CFD: variants seen among roughly 807,000 people sequenced by gnomAD.
CFD encodes C3 convertase activator.
CFD carries 24 observed loss-of-function variants against 21.1 expected under a neutral mutation model. The ratio of observed to expected loss-of-function variants is 1.14; its 90% CI spans 0.82 to 1.60. The LOEUF is 1.60. Among genes scored for constraint, CFD ranks in the 40% most tolerant of loss-of-function variants. The pLI, the probability that CFD is intolerant of heterozygous loss-of-function variation, is 0.00. For missense variants in CFD, 535 were observed against 383.3 expected (o/e 1.40, Z -3.31); for synonymous variants, 242 against 175.9 (o/e 1.38, Z -2.97).
At position 860,736 on chromosome 19, in the gene CFD, C is replaced by T. The variant is rs1365804625; in HGVS notation, c.175C>T (p.Gln59Ter). ...GTGCGGCGGCGTCCTGGTGGCGGAG[C>T]AGTGGGTGCTGAGCGCGGCGCACTG... ...HLCGGVLVAE[Q>*]WVLSAAHCLE... The change falls in exon 2 of 5, where the codon CAG (glutamine) becomes TAG (stop). Residue 59 changes from glutamine to a stop codon, truncating the protein, a stop_gained. Coordinates refer to ENST00000327726, the MANE Select transcript of CFD (RefSeq NM_001928.4). LOFTEE classifies it high-confidence loss of function. The T allele has an allele frequency of 4.5e-6, 7 of 1,567,826 alleles. No individual in the cohort carries two copies. The highest frequency in any genetic ancestry group is 2.3e-5 in the East Asian group (1 of 42,902).
At position 861,916 on chromosome 19, in the gene CFD, G is replaced by C. The variant is rs201757567; in HGVS notation, c.575G>C (p.Arg192Pro). 1.8e-5 allele frequency: 28 copies of C among 1,570,272 alleles called. No individual in the cohort carries two copies. The highest frequency in any genetic ancestry group is 1.7e-4 in the Middle Eastern group (1 of 5,958). The change falls in exon 4 of 5, where the codon CGC (arginine) becomes CCC (proline). Residue 192 changes from arginine to proline, a missense_variant. Arg to Pro is a moderately radical substitution (Grantham distance 103). Coordinates refer to ENST00000327726, the MANE Select transcript of CFD (RefSeq NM_001928.4). ...CACCACGACGGCGCCATCACCGAGC[G>C]CTTGATGTGCGCGGAGAGCAATCGC... ...RTHHDGAITERLMCAESNRRD... is the reference protein window; with the variant it reads ...RTHHDGAITEPLMCAESNRRD...
At chr19:863,056 C>G (rs1269258787) in intron 4 of CFD, 36 bp from the exon 5 acceptor site, 8 of 1,483,620 alleles carry the variant, frequency 5.4e-6, no homozygotes, top group Non-Finnish European at 7.2e-6. Flanking sequence ...GGGGTGGGCG[C>G]GGGCCGCCCC....
At chr19:862,848 C>T (rs1307723313) in intron 4 of CFD, among the ~76,000 whole-genome samples, 2 of 119,046 alleles carry the variant, frequency 1.7e-5, no homozygotes, top group Non-Finnish European at 3.6e-5. Context: ...CGGGGGAACA[C>T]GTGGTGAGGT....
In CFD at chr19:859,697, G is replaced by T. The variant is rs926964605; in HGVS notation, c.8G>T (p.Ser3Ile). Residue 3 changes from serine to isoleucine, a missense_variant, in exon 1 of 5, where the codon AGC becomes ATC. Ser to Ile is a moderately radical substitution (Grantham distance 142). Transcript: ENST00000327726. Reference protein sequence around the residue: MHSWERLAVLVLL... With the variant: MHIWERLAVLVLL... ...AGCCACAGCGGCTTCACCATGCACA[G>T]CTGGGAGCGCCTGGCAGTTCTGGTC... The T allele has an allele frequency of 5.1e-6, 8 of 1,570,582 alleles. No individual in the cohort carries two copies. The African/African-American group carries it at 8.1e-5, about 16-fold the overall frequency.
chr19:862,978 C>G (rs945892406), intron 4 of CFD, 114 bp from the exon 5 acceptor site: 4 of 1,085,282 alleles, frequency 3.7e-6, no homozygotes, highest in South Asian at 1.6e-5. Flanking sequence ...CAAATTAACA[C>G]GGGAGGGATG....
chr19:861,982 C>T (rs757547530), intron 4 of CFD, 26 bp downstream of exon 4: 6 of 1,531,030 alleles, frequency 3.9e-6, no homozygotes, highest in Non-Finnish European at 3.5e-6. Context: ...TGGGAGGAGA[C>T]GCGGGGCCTG....
Position 863,226 on chromosome 19 carries a change from C to G in CFD, c.750C>G (p.Ser250Arg), listed in dbSNP as rs1268625019. ...RVASYAAWIDSVLA is the reference protein window; with the variant it reads ...RVASYAAWIDRVLA ...CGAGCTATGCGGCCTGGATCGACAG[C>G]GTCCTGGCCTAGGGTGCCGGGGCCT... The change falls in exon 5 of 5, where the codon AGC (serine) becomes AGG (arginine). Residue 250 changes from serine (S) to arginine (R), a missense_variant. By Grantham distance (110) the Ser-to-Arg change is moderately radical. Coordinates refer to ENST00000327726, the MANE Select transcript of CFD (RefSeq NM_001928.4). The G allele has an allele frequency of 6.5e-7, 1 of 1,545,998 alleles. No homozygotes were observed. The highest frequency in any genetic ancestry group is 1.4e-5 in the African/African-American group (1 of 73,844).
Position 860,757 on chromosome 19 carries a change from C to T in CFD, c.196C>T (p.His66Tyr), listed in dbSNP as rs1449369149. 6.4e-7 allele frequency: 1 copy of T among 1,567,518 alleles called. No individual in the cohort carries two copies. The highest frequency in any genetic ancestry group is 1.1e-5 in the South Asian group (1 of 87,406). The stretch of plus-strand genomic sequence containing the variant: ...GGAGCAGTGGGTGCTGAGCGCGGCG[C>T]ACTGCCTGGAGGACGCGTGAGTGCC... The part of the protein sequence containing the change: ...VAEQWVLSAA[H>Y]CLEDAADGKV... The change falls in exon 2 of 5, where the codon CAC (histidine) becomes TAC (tyrosine). Residue 66 changes from histidine (H) to tyrosine (Y), a missense_variant. Transcript: ENST00000327726.
At chr19:862,623 G>A (rs1351673354) in intron 4 of CFD, among the ~76,000 whole-genome samples, 1 of 151,760 alleles carries the variant, frequency 6.6e-6, no homozygotes, top group Non-Finnish European at 1.5e-5. Flanking sequence ...CAGGGCAGAG[G>A]TTTAAGACCA....
At chr19:860,189 T>C (rs2035764423) in intron 1 of CFD, among the ~76,000 whole-genome samples, 2 of 149,958 alleles carry the variant, frequency 1.3e-5, no homozygotes, top group African/African-American at 5.0e-5. Flanking sequence ...GGATTCTTTT[T>C]TTTCTTTCTT....
intron 1 of CFD, 80 bp downstream of exon 1, chr19:859,824 C>T (rs2035760312): frequency 1.8e-6 from 2 of 1,117,442 alleles, no homozygotes; most frequent in South Asian, 1.3e-5. Context: ...GACGGTCCTC[C>T]AGCCCCTCCA....
intron 4 of CFD, among the ~76,000 whole-genome samples, chr19:862,574 G>A (rs1343623280): frequency 6.6e-6 from 1 of 151,678 alleles, no homozygotes; most frequent in African/African-American, 2.4e-5. Context: ...GGTGCGGAGC[G>A]GGATCCCTGC....
chr19:862,073 T>C lies in CFD; in HGVS notation c.615+117T>C, dbSNP rs1392891259. On this transcript the variant is annotated intron_variant, in intron 4 of 4. Transcript: ENST00000327726. ...GGGCCCAGGGAAGGGGCGGGGCGCGTAGGGGGCGGGAACTGGAAGATGGGC... is the reference window on the plus strand; with the variant it reads ...GGGCCCAGGGAAGGGGCGGGGCGCGCAGGGGGCGGGAACTGGAAGATGGGC... 105 of 1,238,766 alleles carry C rather than the reference T, an allele frequency of 8.5e-5. 1 individual carries two copies. Among genetic ancestry groups the C allele is most frequent in the Non-Finnish European group, 9.8e-5 (96 of 981,774 alleles). 76.7% of individuals were successfully genotyped at this position (1,238,766 alleles called of 1,614,324 possible).
chr19:860,630 T>C lies in CFD; in HGVS notation c.69T>C (p.Arg23=). The C allele has an allele frequency of 1.4e-6, 2 of 1,458,806 alleles. No individual in the cohort carries two copies. The highest frequency in any genetic ancestry group is 1.8e-6 in the Non-Finnish European group (2 of 1,113,048). The allele number at this position is 1,458,806 out of a possible 1,614,324, so 90.4% of individuals were successfully genotyped here. The change falls in exon 2 of 5, where the codon CGT becomes CGC. Residue 23 remains arginine, a synonymous_variant. Transcript: ENST00000327726. ...GCCCACCCACAGCGGCGCCGCCCCG[T>C]GGTCGGATCCTGGGCGGCAGAGAGG... The part of the protein sequence containing the change: ...LGAAACAAPP[R]GRILGGREAE...
chr19:863,425 T>C lies in CFD; in HGVS notation c.*187T>C, dbSNP rs1274567314. ...GGGCCACGTAGCGCGACTCCATCTCTACAAATAAATAAAAAATTAGCTGGG... is the reference window on the plus strand; with the variant it reads ...GGGCCACGTAGCGCGACTCCATCTCCACAAATAAATAAAAAATTAGCTGGG... On this transcript the variant is annotated 3_prime_UTR_variant, in exon 5 of 5. Coordinates refer to ENST00000327726, the MANE Select transcript of CFD (RefSeq NM_001928.4). The C allele has an allele frequency of 4.6e-6, 3 of 659,044 alleles. No homozygotes were observed. In the East Asian group the frequency reaches 8.3e-5, roughly 18 times the overall value. The allele number at this position is 659,044 out of a possible 1,614,324, so 40.8% of individuals were successfully genotyped here.
At chr19:860,253 C>A (rs2035765851) in intron 1 of CFD, among the ~76,000 whole-genome samples, 1 of 151,584 alleles carries the variant, frequency 6.6e-6, no homozygotes, top group African/African-American at 2.4e-5. Context: ...TGCAGTGGTG[C>A]GATCTCGGCT....
At position 860,854 on chromosome 19, in the gene CFD, T is replaced by A. The variant is rs1346303573; in HGVS notation, c.213-7T>A. ...GGCACCGACCGCGGACTCCGTCCGGTCCCCAGGGCCGACGGGAAGGTGCAG... is the reference window on the plus strand; with the variant it reads ...GGCACCGACCGCGGACTCCGTCCGGACCCCAGGGCCGACGGGAAGGTGCAG... On this transcript the variant is annotated splice_polypyrimidine_tract_variant and splice_region_variant and intron_variant, in intron 2 of 4. Transcript: ENST00000327726. The A allele has an allele frequency of 6.4e-7, 1 of 1,566,572 alleles. No individual in the cohort carries two copies. The highest frequency in any genetic ancestry group is 8.6e-7 in the Non-Finnish European group (1 of 1,162,580).
Position 860,430 on chromosome 19 carries a change from ACCCCCCCCTCC to A in CFD, c.56-180_56-170del, listed in dbSNP as rs1230999226. Among the ~76,000 whole-genome samples, 15 of 140,440 alleles carry A rather than the reference ACCCCCCCCTCC, an allele frequency of 1.1e-4. No individual in the cohort carries two copies. In the South Asian group the frequency reaches 2.0e-3, roughly 19 times the overall value. 92.1% of individuals were successfully genotyped at this position (140,440 alleles called of 152,430 possible). Reference sequence around the variant, plus strand: ...TTGAACTCCTGACCTCATGATCTGCACCCCCCCCTCCCCCCCCGCCCCCGCGCGGCTTCACA... The same window carrying A: ...TTGAACTCCTGACCTCATGATCTGCACCCCCCGCCCCCGCGCGGCTTCACA... On this transcript the variant is annotated intron_variant, in intron 1 of 4. Coordinates refer to ENST00000327726, the MANE Select transcript of CFD (RefSeq NM_001928.4).
At chr19:860,504 A>G (rs1182353841) in intron 1 of CFD, 113 bp from the exon 2 acceptor site, 5 of 1,032,774 alleles carry the variant, frequency 4.8e-6, no homozygotes, top group Non-Finnish European at 6.2e-6. Context: ...CCGCGCCCAG[A>G]GATGGGATTC....
Sources: gnomAD v4.1 joint callset for allele counts (sites outside exome capture counted in the v4.1 genomes callset) on GRCh38, gnomAD v4.1.1 for gene constraint, MANE v1.5 for transcripts, NCBI Gene and HGNC (gene_info 2026-07-23, HGNC 2026-07-21) for gene names.